Variants in SLC12A2 observed in about 807,000 individuals in gnomAD.
The protein encoded by SLC12A2 is Na-K-2Cl cotransporter 1.
Under a neutral mutation model 136.3 loss-of-function variants are expected in SLC12A2, and 67 were observed. The ratio of observed to expected loss-of-function variants is 0.49; its 90% CI spans 0.40 to 0.60. The LOEUF is 0.60. SLC12A2 is among the 20% of genes least tolerant of loss of function. The probability of loss-of-function intolerance (pLI) is 0.00; values close to 1 mark genes in which losing one functional copy is unlikely to be tolerated. For synonymous variants in SLC12A2, 619 were observed against 562.9 expected, an observed-to-expected ratio of 1.10 and a Z score of -1.41; for missense variants, 1,322 against 1,534.7, an observed-to-expected ratio of 0.86 and a Z score of 2.32.
At chr5:128,157,437 C>T (rs529196482) in intron 15 of SLC12A2, among the ~76,000 whole-genome samples, 1 of 151,914 alleles carries the variant, frequency 6.6e-6, no homozygotes, top group Admixed American at 6.6e-5. Context: ...ATCTTTTTTT[C>T]AACATAGGTG....
At chr5:128,131,325 T>A (rs2126697665) in intron 5 of SLC12A2, 119 bp downstream of exon 5, 1 of 1,004,814 alleles carries the variant, frequency 1.0e-6, no homozygotes, top group Non-Finnish European at 1.5e-6. Flanking sequence ...TCGTCCTTCA[T>A]AAAGTTTACT....
intron 15 of SLC12A2, among the ~76,000 whole-genome samples, chr5:128,154,144 G>C (rs947250816): frequency 6.6e-6 from 1 of 152,084 alleles, no homozygotes; most frequent in Non-Finnish European, 1.5e-5. Context: ...GGGCATGTTG[G>C]TGCATGCCTG....
intron 1 of SLC12A2, among the ~76,000 whole-genome samples, chr5:128,108,912 T>G (rs2126664299): frequency 6.6e-6 from 1 of 152,344 alleles, no homozygotes; most frequent in East Asian, 1.9e-4. Context: ...TATAGTACAG[T>G]AAAATAATCA....
chr5:128,133,187 A>T (rs1762084705), intron 5 of SLC12A2, among the ~76,000 whole-genome samples: 1 of 152,120 alleles, frequency 6.6e-6, no homozygotes, highest in Non-Finnish European at 1.5e-5. Flanking sequence ...TTTTTTGCAA[A>T]GTAAAAAGTA....
chr5:128,180,830 C>T, intron 22 of SLC12A2, 53 bp from the exon 23 acceptor site: 1 of 1,036,832 alleles, frequency 9.6e-7, no homozygotes, highest in Non-Finnish European at 1.5e-6. Context: ...ATTGATGTTC[C>T]TGATTAAGAA....
intron 24 of SLC12A2, among the ~76,000 whole-genome samples, 173 bp downstream of exon 24, chr5:128,183,114 TAA>T (rs989693962): frequency 3.3e-5 from 5 of 152,092 alleles, no homozygotes; most frequent in African/African-American, 1.2e-4. Flanking sequence ...AAAGAAAGTC[TAA>T]AGAGTTTTCA....
chr5:128,094,622 T>A (rs976282839), intron 1 of SLC12A2, among the ~76,000 whole-genome samples: 1 of 152,096 alleles, frequency 6.6e-6, no homozygotes. Context: ...AGATTTAGGC[T>A]GCAGAGTTCT....
At chr5:128,091,631 G>A (rs932862226) in intron 1 of SLC12A2, among the ~76,000 whole-genome samples, 1 of 152,106 alleles carries the variant, frequency 6.6e-6, no homozygotes. Context: ...GCCCTCCTTT[G>A]TCTTTTTCCA....
At position 128,115,119 on chromosome 5, in the gene SLC12A2, T is replaced by A. The variant is rs76204240; in HGVS notation, c.1048+438T>A. Among the ~76,000 whole-genome samples the A allele has an allele frequency of 5.5e-3, 841 of 152,318 alleles. 3 individuals are homozygous for A. Among genetic ancestry groups the A allele is most frequent in the Middle Eastern group, 0.024 (7 of 294 alleles). On this transcript the variant is annotated intron_variant, in intron 4 of 26. Coordinates refer to ENST00000262461, the MANE Select transcript of SLC12A2 (RefSeq NM_001046.3). ...GCATTGCGTGAGCTATACCTGGGAC[T>A]GTAAATTAATTAATATATTTATTTG...
intron 19 of SLC12A2, 66 bp downstream of exon 19, chr5:128,171,812 T>C: frequency 1.0e-6 from 1 of 961,480 alleles, no homozygotes; most frequent in Non-Finnish European, 1.6e-6. Context: ...GAAAATTATA[T>C]TCTCACAAAC....
chr5:128,144,320 G>A (rs1762461908), intron 10 of SLC12A2, among the ~76,000 whole-genome samples: 1 of 152,102 alleles, frequency 6.6e-6, no homozygotes, highest in African/African-American at 2.4e-5. Flanking sequence ...CAACATGAGG[G>A]AAAATCTTGT....
intron 15 of SLC12A2, 34 bp from the exon 16 acceptor site, chr5:128,158,019 A>G: frequency 2.6e-6 from 4 of 1,560,210 alleles, no homozygotes; most frequent in South Asian, 1.2e-5. Flanking sequence ...ACACAAATTT[A>G]TCTAATTTTG....
chr5:128,156,703 G>A (rs1250210707), intron 15 of SLC12A2, among the ~76,000 whole-genome samples: 2 of 152,174 alleles, frequency 1.3e-5, no homozygotes, highest in African/African-American at 2.4e-5. Context: ...CAGATTTGCT[G>A]TACTTTGGTC....
intron 5 of SLC12A2, among the ~76,000 whole-genome samples, 185 bp downstream of exon 5, chr5:128,131,391 C>T (rs908877216): frequency 9.9e-5 from 15 of 152,104 alleles, no homozygotes; most frequent in Admixed American, 3.3e-4. Flanking sequence ...GGGCCGGGCG[C>T]GGTGGCTCGC....
intron 1 of SLC12A2, chr5:128,109,649 A>G (rs901088485): frequency 5.0e-6 from 4 of 807,250 alleles, no homozygotes; most frequent in East Asian, 2.4e-5. Flanking sequence ...GACAGTGGAT[A>G]CATCAGGGAA....
chr5:128,166,623 G>A (rs1228957200), intron 17 of SLC12A2, among the ~76,000 whole-genome samples: 1 of 152,028 alleles, frequency 6.6e-6, no homozygotes, highest in Non-Finnish European at 1.5e-5. Context: ...CAGATTCATA[G>A]AGACGGAAGT....
chr5:128,140,794 C>G (rs1762340770), intron 9 of SLC12A2, among the ~76,000 whole-genome samples: 1 of 151,892 alleles, frequency 6.6e-6, no homozygotes, highest in Non-Finnish European at 1.5e-5. Flanking sequence ...AGGCTCTATT[C>G]TCCCCCCATT....
intron 6 of SLC12A2, among the ~76,000 whole-genome samples, 183 bp from the exon 7 acceptor site, chr5:128,135,517 C>G (rs558955818): frequency 1.8e-4 from 28 of 152,110 alleles, no homozygotes; most frequent in African/African-American, 6.5e-4. Flanking sequence ...TTAAAGATCT[C>G]TTTGTTCATT....
At chr5:128,086,816 G>C (rs538545000) in intron 1 of SLC12A2, among the ~76,000 whole-genome samples, 15 of 152,302 alleles carry the variant, frequency 9.8e-5, no homozygotes, top group African/African-American at 3.4e-4. Flanking sequence ...GGTTATAACA[G>C]GTTGGCTGGA....
Sources: allele counts gnomAD v4.1 joint callset (sites outside exome capture counted in the v4.1 genomes callset), GRCh38; gene constraint gnomAD v4.1.1; transcripts MANE v1.5; gene names NCBI Gene and HGNC (gene_info 2026-07-23, HGNC 2026-07-21).